CTXN2: variants seen among roughly 807,000 people sequenced by gnomAD.
The protein encoded by CTXN2 is cortexin-2.
A neutral mutation model predicts 5.7 loss-of-function variants in CTXN2; 3 were observed. The ratio of observed to expected loss-of-function variants is 0.53; its 90% confidence interval spans 0.24 to 1.36. The LOEUF is 1.36. CTXN2 is among the 40% of genes most tolerant of loss of function. The pLI, the probability that CTXN2 is intolerant of heterozygous loss-of-function variation, is 0.17. For synonymous variants in CTXN2, 38 were observed against 36.4 expected (o/e 1.04, Z -0.16); for missense variants, 87 against 93.0 (o/e 0.94, Z 0.26).
intron 1 of CTXN2, among the ~76,000 whole-genome samples, chr15:48,198,623 A>G (rs2040900993): frequency 6.6e-6 from 1 of 152,214 alleles, no homozygotes; most frequent in African/African-American, 2.4e-5. Context: ...TTAAACTAAT[A>G]GTAACAAATG....
At chr15:48,185,120 A>C (rs1322240400) in intron 1 of CTXN2, among the ~76,000 whole-genome samples, 1 of 152,136 alleles carries the variant, frequency 6.6e-6, no homozygotes, top group Non-Finnish European at 1.5e-5. Flanking sequence ...GTTTCAGATC[A>C]ATGGATTCCA....
At chr15:48,200,185 A>G (rs2140989776) in intron 1 of CTXN2, among the ~76,000 whole-genome samples, 1 of 152,306 alleles carries the variant, frequency 6.6e-6, no homozygotes, top group South Asian at 2.1e-4. Flanking sequence ...AGAAAAAGCA[A>G]CAATAAAAAA....
At chr15:48,182,088 CTCT>C (rs2040705308) in intron 1 of CTXN2, among the ~76,000 whole-genome samples, 2 of 152,050 alleles carry the variant, frequency 1.3e-5, no homozygotes, top group South Asian at 2.1e-4. Flanking sequence ...ACCATTCTCT[CTCT>C]TCTTCTCTTT....
At chr15:48,188,653 T>C (rs1475600440), upstream of CTXN2, among the ~76,000 whole-genome samples, 1 of 152,148 alleles carries the variant, frequency 6.6e-6, no homozygotes, top group Non-Finnish European at 1.5e-5. Flanking sequence ...TTGAGGAACT[T>C]CTAAACAATG....
chr15:48,192,061 G>T, intron 1 of CTXN2: 1 of 308,310 alleles, frequency 3.2e-6, no homozygotes, highest in Admixed American at 4.0e-5. Context: ...TAATGCTAGC[G>T]CCACTGCTGA....
intron 1 of CTXN2, among the ~76,000 whole-genome samples, chr15:48,196,913 A>C (rs906505038): frequency 3.9e-5 from 6 of 152,024 alleles, no homozygotes; most frequent in Non-Finnish European, 5.9e-5. Context: ...AAGTCTTGAA[A>C]GTATATCTCC....
At chr15:48,199,466 TA>T in intron 1 of CTXN2, among the ~76,000 whole-genome samples, 1 of 152,272 alleles carries the variant, frequency 6.6e-6, no homozygotes, top group East Asian at 1.9e-4. Flanking sequence ...TATGCTCTAG[TA>T]AAAAACTAAA....
At chr15:48,196,949 A>AT (rs2040885025) in intron 1 of CTXN2, among the ~76,000 whole-genome samples, 1 of 151,270 alleles carries the variant, frequency 6.6e-6, no homozygotes, top group Non-Finnish European at 1.5e-5. Context: ...TGAAAATGAG[A>AT]TTTTTAACTC....
intron 1 of CTXN2, among the ~76,000 whole-genome samples, chr15:48,181,555 CT>C (rs895755070): frequency 6.6e-6 from 1 of 151,880 alleles, no homozygotes; most frequent in Non-Finnish European, 1.5e-5. Context: ...CATCATTCTT[CT>C]TTTTTTTAAT....
At chr15:48,201,167 C>A in intron 1 of CTXN2, 77 bp from the exon 2 acceptor site, 1 of 842,980 alleles carries the variant, frequency 1.2e-6, no homozygotes, top group Non-Finnish European at 1.8e-6. Context: ...GTTTGAAAAA[C>A]GTCAGATTTT....
intron 1 of CTXN2, chr15:48,178,756 T>A (rs1175494361): frequency 6.6e-6 from 1 of 152,486 alleles, no homozygotes; most frequent in Non-Finnish European, 1.5e-5. Context: ...CTCTTGCCAT[T>A]TCAATGCCTA....
chr15:48,185,527 T>G (rs2140970258), intron 1 of CTXN2, among the ~76,000 whole-genome samples: 1 of 152,172 alleles, frequency 6.6e-6, no homozygotes, highest in East Asian at 1.9e-4. Context: ...AGTGTAAAAC[T>G]TACATAACAT....
chr15:48,191,733 T>C lies in CTXN2; in HGVS notation c.-178T>C, dbSNP rs1486475801. On this transcript the variant is annotated 5_prime_UTR_variant, in exon 1 of 2. Coordinates refer to ENST00000417307, the MANE Select transcript of CTXN2 (RefSeq NM_001145668.2). ...AGCGCTAACCAGGGCCCTGTGACTC[T>C]ACGCAGGTTCCAGAACACGCCTTCT... The C allele has an allele frequency of 2.2e-6, 1 of 456,066 alleles. No individual in the cohort carries two copies. Among genetic ancestry groups the C allele is most frequent in the Non-Finnish European group, 4.4e-6 (1 of 226,806 alleles). The allele number at this position is 456,066 out of a possible 1,614,324, so 28.3% of individuals were successfully genotyped here.
chr15:48,202,589 T>C lies in CTXN2; in HGVS notation c.*1043T>C, dbSNP rs916509261. The C allele has an allele frequency of 6.0e-6, 1 of 166,994 alleles. No homozygotes were observed. Among genetic ancestry groups the C allele is most frequent in the African/African-American group, 2.4e-5 (1 of 41,460 alleles). The allele number at this position is 166,994 out of a possible 1,614,324, so 10.3% of individuals were successfully genotyped here. On this transcript the variant is annotated 3_prime_UTR_variant, in exon 2 of 2. Transcript: ENST00000417307. ...TGCACAACAAGAATTAAGAAACCCA[T>C]CCTGCATGTCTTCAGCAATATTGAG... is the stretch of plus-strand genomic sequence containing the variant.
chr15:48,184,277 A>G (rs1249110794), intron 1 of CTXN2, among the ~76,000 whole-genome samples: 2 of 152,166 alleles, frequency 1.3e-5, no homozygotes, highest in Non-Finnish European at 2.9e-5. Flanking sequence ...TGCTTAATAT[A>G]TGAGAGGTGT....
At position 48,201,453 on chromosome 15, in the gene CTXN2, C is replaced by T. The variant is rs924233946; in HGVS notation, c.153C>T (p.Ile51=). 1.3e-6 allele frequency: 2 copies of T among 1,551,326 alleles called. No individual in the cohort carries two copies. The highest frequency in any genetic ancestry group is 1.7e-6 in the Non-Finnish European group (2 of 1,146,728). The change falls in exon 2 of 2, where the codon ATC becomes ATT. Residue 51 remains isoleucine, a synonymous_variant. Transcript: ENST00000417307. ...LGLLIIRCFK[I]LLDPYSSMPS... is the part of the protein sequence containing the mutation. Reference sequence around the variant, plus strand: ...TTCTTATTATCCGATGCTTCAAAATCCTGCTAGACCCATATAGTAGCATGC... The same window carrying T: ...TTCTTATTATCCGATGCTTCAAAATTCTGCTAGACCCATATAGTAGCATGC...
chr15:48,196,113 A>G (rs1278426283), intron 1 of CTXN2, among the ~76,000 whole-genome samples: 1 of 152,020 alleles, frequency 6.6e-6, no homozygotes, highest in Non-Finnish European at 1.5e-5. Context: ...AATTTAAGAC[A>G]TTTGCTTTTA....
chr15:48,195,878 T>A (rs892771381), intron 1 of CTXN2, among the ~76,000 whole-genome samples: 1 of 152,178 alleles, frequency 6.6e-6, no homozygotes, highest in African/African-American at 2.4e-5. Context: ...TTTTTATTGC[T>A]TTTGTAGAAG....
chr15:48,197,853 C>T (rs1171025669), intron 1 of CTXN2, among the ~76,000 whole-genome samples: 1 of 152,128 alleles, frequency 6.6e-6, no homozygotes, highest in African/African-American at 2.4e-5. Flanking sequence ...CATATCTACT[C>T]ATTCTTTATG....
Sources: allele counts gnomAD v4.1 joint callset (sites outside exome capture counted in the v4.1 genomes callset), GRCh38; gene constraint gnomAD v4.1.1; transcripts MANE v1.5; gene names NCBI Gene and HGNC (gene_info 2026-07-23, HGNC 2026-07-21).